ZFYVE28: variants seen among roughly 807,000 people sequenced by gnomAD.
ZFYVE28 encodes lateral signaling target protein 2 homolog.
A neutral mutation model predicts 82.1 loss-of-function variants in ZFYVE28; 40 were observed. The ratio of observed to expected loss-of-function variants is 0.49; its 90% CI spans 0.38 to 0.63. ZFYVE28 has a LOEUF of 0.63. Among genes scored for constraint, ZFYVE28 ranks in the 30% least tolerant of loss-of-function variants. ZFYVE28 has a pLI of 0.00. For synonymous variants in ZFYVE28, 612 were observed against 546.1 expected (o/e 1.12, Z -1.68); for missense variants, 1,321 against 1,242.1 (o/e 1.06, Z -0.96).
chr4:2,360,080 A>G (rs1725904748), intron 1 of ZFYVE28, among the ~76,000 whole-genome samples: 1 of 152,078 alleles, frequency 6.6e-6, no homozygotes, highest in Admixed American at 6.5e-5. Flanking sequence ...GGAGGCCTCC[A>G]TGATGTCTAG....
At chr4:2,304,129 C>T (rs1160047931) in intron 8 of ZFYVE28, among the ~76,000 whole-genome samples, 160 bp downstream of exon 8, 2 of 152,260 alleles carry the variant, frequency 1.3e-5, no homozygotes, top group Non-Finnish European at 2.9e-5. Context: ...CCTGCCCCTG[C>T]CCCTCCTCAC....
chr4:2,346,111 A>G (rs1487546067), intron 2 of ZFYVE28, among the ~76,000 whole-genome samples: 15 of 151,652 alleles, frequency 9.9e-5, no homozygotes, highest in Middle Eastern at 3.4e-3. Context: ...GGTGGATCAC[A>G]AGGTCAGGAG....
intron 8 of ZFYVE28, among the ~76,000 whole-genome samples, chr4:2,285,048 C>T (rs546213421): frequency 6.6e-6 from 1 of 152,316 alleles, no homozygotes; most frequent in East Asian, 1.9e-4. Context: ...TAAGGTCATC[C>T]AGGAGTAGGG....
intron 8 of ZFYVE28, among the ~76,000 whole-genome samples, chr4:2,275,932 C>T (rs1380612763): frequency 1.3e-5 from 2 of 152,222 alleles, no homozygotes; most frequent in African/African-American, 4.8e-5. Context: ...GTGATCTAAT[C>T]GCCCACCAGC....
rs1199453033 is a variant in ZFYVE28, at chr4:2,288,417, G to A, written c.2052-14201C>T. Among the ~76,000 whole-genome samples, 19 of 152,258 alleles carry A rather than the reference G, an allele frequency of 1.2e-4. 1 individual carries two copies. The highest frequency in any genetic ancestry group is 1.2e-3 in the Admixed American group (19 of 15,294). On this transcript the variant is annotated intron_variant, in intron 8 of 12. Coordinates refer to ENST00000290974, the MANE Select transcript of ZFYVE28 (RefSeq NM_020972.3). ...CCTGCTACACAGTGGGGGAGCATCG[G>A]GCCCTGGGCTGGGTGCTGGGGCCAC... is the stretch of plus-strand genomic sequence containing the variant.
intron 6 of ZFYVE28, chr4:2,330,552 G>A (rs1026716856): frequency 1.7e-4 from 200 of 1,177,746 alleles, no homozygotes; most frequent in Non-Finnish European, 2.0e-4. Flanking sequence ...ATGGAGGAGG[G>A]GACAGCATGG....
At chr4:2,388,775 A>T (rs944607139) in intron 1 of ZFYVE28, among the ~76,000 whole-genome samples, 6 of 152,188 alleles carry the variant, frequency 3.9e-5, no homozygotes, top group Admixed American at 2.6e-4. Flanking sequence ...AAGCTGCACA[A>T]GACTGAGGCA....
In ZFYVE28 at chr4:2,270,695, G is replaced by T; in HGVS notation, c.*30C>A. The T allele has an allele frequency of 6.2e-7, 1 of 1,612,164 alleles. No homozygotes were observed. The highest frequency in any genetic ancestry group is 8.5e-7 in the Non-Finnish European group (1 of 1,179,542). ...CCACCTTCCTGGGGGTTCCTGGCCCGGGTGGGTTGGGGCTGCCCCTGGCAC... is the reference window on the plus strand; with the variant it reads ...CCACCTTCCTGGGGGTTCCTGGCCCTGGTGGGTTGGGGCTGCCCCTGGCAC... On this transcript the variant is annotated 3_prime_UTR_variant, in exon 13 of 13. Coordinates refer to ENST00000290974, the MANE Select transcript of ZFYVE28 (RefSeq NM_020972.3).
intron 1 of ZFYVE28, among the ~76,000 whole-genome samples, chr4:2,414,049 C>T (rs770069384): frequency 1.3e-5 from 2 of 152,272 alleles, no homozygotes; most frequent in Non-Finnish European, 2.9e-5. Context: ...CCCCACCCCC[C>T]ACTCTGGGGC....
chr4:2,290,980 A>T (rs989794884), intron 8 of ZFYVE28, among the ~76,000 whole-genome samples: 7 of 152,358 alleles, frequency 4.6e-5, no homozygotes, highest in African/African-American at 1.4e-4. Context: ...TTACATAAGC[A>T]ATACATGTGC....
Position 2,354,053 on chromosome 4 carries a change from A to T in ZFYVE28, c.60T>A (p.Leu20=), listed in dbSNP as rs1338644907. 2 of 1,572,718 alleles carry T rather than the reference A, an allele frequency of 1.3e-6. No homozygotes were observed. Among genetic ancestry groups the T allele is most frequent in the Non-Finnish European group, 1.7e-6 (2 of 1,159,304 alleles). The change falls in exon 2 of 13, where the codon CTT becomes CTA. Residue 20 remains leucine (L), a synonymous_variant. Transcript: ENST00000290974. ...YKPKRSDPQL[L]ARFYYADEEL... is the part of the protein sequence containing the mutation. ...CCTCGTCGGCATAGTAGAACCGGGCAAGCAGCTGCGGATCCGACCTCTGCA... is the reference window on the plus strand; with the variant it reads ...CCTCGTCGGCATAGTAGAACCGGGCTAGCAGCTGCGGATCCGACCTCTGCA...
At chr4:2,273,993 C>T in intron 9 of ZFYVE28, 69 bp downstream of exon 9, 5 of 1,564,520 alleles carry the variant, frequency 3.2e-6, no homozygotes, top group South Asian at 1.2e-5. Flanking sequence ...CACGCCCCGC[C>T]TGACCTCCCC....
chr4:2,326,275 A>C (rs919926914), intron 6 of ZFYVE28, among the ~76,000 whole-genome samples: 1 of 152,192 alleles, frequency 6.6e-6, no homozygotes, highest in Non-Finnish European at 1.5e-5. Flanking sequence ...TTGACATGTG[A>C]AAATTCAGAT....
intron 1 of ZFYVE28, among the ~76,000 whole-genome samples, chr4:2,393,758 G>A (rs887874018): frequency 7.2e-5 from 11 of 152,136 alleles, no homozygotes; most frequent in African/African-American, 2.2e-4. Context: ...CAGTTCACTC[G>A]GCCACACCTG....
intron 1 of ZFYVE28, among the ~76,000 whole-genome samples, chr4:2,361,494 G>A (rs1395946353): frequency 1.3e-5 from 2 of 152,126 alleles, no homozygotes; most frequent in Non-Finnish European, 2.9e-5. Flanking sequence ...CAGTTACGAG[G>A]GCTGGCCACC....
intron 7 of ZFYVE28, among the ~76,000 whole-genome samples, chr4:2,311,232 A>G (rs774665017): frequency 6.6e-6 from 1 of 152,180 alleles, no homozygotes; most frequent in Non-Finnish European, 1.5e-5. Context: ...TTTTAAAATA[A>G]CTAACTTTTG....
chr4:2,407,703 G>A (rs78428238), intron 1 of ZFYVE28, among the ~76,000 whole-genome samples: 46,706 of 151,976 alleles, frequency 0.31, 8,276 homozygotes, highest in East Asian at 0.51. Context: ...TGATTCTCCT[G>A]CCTCAGCCTC....
At chr4:2,277,865 G>A (rs1048041188) in intron 8 of ZFYVE28, among the ~76,000 whole-genome samples, 6 of 152,052 alleles carry the variant, frequency 3.9e-5, no homozygotes, top group Non-Finnish European at 8.8e-5. Flanking sequence ...GGAGTGACTC[G>A]AGGGACCCAG....
chr4:2,273,256 C>T lies in ZFYVE28; in HGVS notation c.2240G>A (p.Ser747Asn), dbSNP rs778766955. ...VADQLQTNYA[S>N]DLRSILKTLF... ...TGTTTTAAGAATACTTCTCAGGTCACTGGCATAGTTCGTCTGCAGCTGGTC... is the reference window on the plus strand; with the variant it reads ...TGTTTTAAGAATACTTCTCAGGTCATTGGCATAGTTCGTCTGCAGCTGGTC... The change falls in exon 10 of 13, where the codon AGT (serine) becomes AAT (asparagine). Residue 747 changes from serine (S) to asparagine (N), a missense_variant. Coordinates refer to ENST00000290974, the MANE Select transcript of ZFYVE28 (RefSeq NM_020972.3). 1.1e-5 allele frequency: 18 copies of T among 1,613,330 alleles called. No homozygotes were observed. The highest frequency in any genetic ancestry group is 1.5e-5 in the Non-Finnish European group (18 of 1,179,874).
Sources: gnomAD v4.1 joint callset for allele counts (sites outside exome capture counted in the v4.1 genomes callset) on GRCh38, gnomAD v4.1.1 for gene constraint, MANE v1.5 for transcripts, NCBI Gene and HGNC (gene_info 2026-07-23, HGNC 2026-07-21) for gene names.